FAM227B: variants seen among roughly 807,000 people sequenced by gnomAD.
FAM227B encodes the protein protein FAM227B.
In FAM227B, 88 loss-of-function variants were observed where a neutral mutation model predicts 73.8. The observed-to-expected ratio is 1.19, with a 90% CI of 1.00 to 1.42. FAM227B has a LOEUF of 1.42. Ranked by LOEUF, FAM227B falls within the 40% of genes most tolerant of loss-of-function variation. The pLI is 0.00. For missense variants in FAM227B, 632 were observed against 590.9 expected (o/e 1.07, Z -0.72); for synonymous variants, 210 against 190.5 (o/e 1.10, Z -0.84).
intron 5 of FAM227B, among the ~76,000 whole-genome samples, chr15:49,583,146 C>T (rs931345386): frequency 4.7e-5 from 7 of 149,678 alleles, no homozygotes; most frequent in African/African-American, 1.7e-4. Flanking sequence ...CTGAAGGAGA[C>T]TGAGACACAA....
At chr15:49,545,842 T>C (rs1433982874) in intron 9 of FAM227B, among the ~76,000 whole-genome samples, 1 of 152,124 alleles carries the variant, frequency 6.6e-6, no homozygotes, top group Non-Finnish European at 1.5e-5. Context: ...TATTCTACTG[T>C]GGTCTGAAAG....
rs563712202 is a variant in FAM227B, at chr15:49,615,154, T to C, written c.18A>G (p.Thr6=). 1.2e-6 allele frequency: 2 copies of C among 1,614,100 alleles called. No homozygotes were observed. Among genetic ancestry groups the C allele is most frequent in the East Asian group, 4.5e-5 (2 of 44,888 alleles). Residue 6 remains threonine (T), a synonymous_variant, in exon 2 of 16, where the codon ACA becomes ACG. Transcript: ENST00000299338. MAGQR[T]CQRRSSRAGP... ...CAGCTCTGCTGCTCCTCCTTTGACATGTTCGTTGGCCTGCCATGGTACAGT... is the reference window on the plus strand; with the variant it reads ...CAGCTCTGCTGCTCCTCCTTTGACACGTTCGTTGGCCTGCCATGGTACAGT...
At chr15:49,409,241 T>G (rs1047526521) in intron 11 of FAM227B, among the ~76,000 whole-genome samples, 8 of 152,248 alleles carry the variant, frequency 5.3e-5, no homozygotes, top group African/African-American at 1.9e-4. Flanking sequence ...TATTCCACTT[T>G]AAGATGCGGC....
chr15:49,473,371 ATAAGT>A (rs1429285046), intron 11 of FAM227B, among the ~76,000 whole-genome samples: 4 of 152,186 alleles, frequency 2.6e-5, no homozygotes, highest in African/African-American at 9.6e-5. Flanking sequence ...TGAGTTAAAT[ATAAGT>A]TATTAGAAGC....
intron 10 of FAM227B, among the ~76,000 whole-genome samples, chr15:49,526,075 T>A (rs1355488975): frequency 6.6e-6 from 1 of 151,970 alleles, no homozygotes; most frequent in Non-Finnish European, 1.5e-5. Flanking sequence ...TAAAGAAGAT[T>A]CTACCCAACA....
intron 11 of FAM227B, among the ~76,000 whole-genome samples, chr15:49,418,782 C>CAAAAAAAGAA (rs2049391997): frequency 6.8e-6 from 1 of 148,112 alleles, no homozygotes; most frequent in Non-Finnish European, 1.5e-5. Context: ...CCTAAAAGAT[C>CAAAAAAAGAA]AAAAAAAGAA....
At chr15:49,561,776 A>G (rs1211841140) in intron 9 of FAM227B, among the ~76,000 whole-genome samples, 1 of 152,188 alleles carries the variant, frequency 6.6e-6, no homozygotes. Context: ...GTTAGACACA[A>G]ATAAACAAAA....
chr15:49,615,144 T>C lies in FAM227B; in HGVS notation c.28A>G (p.Arg10Gly). The change falls in exon 2 of 16, where the codon AGG becomes GGG. Residue 10 changes from arginine to glycine, a missense_variant. Transcript: ENST00000299338. MAGQRTCQRRSSRAGPGKMQ... is the reference protein window; with the variant it reads MAGQRTCQRGSSRAGPGKMQ... Reference sequence around the variant, plus strand: ...ACCCCGGGGCCAGCTCTGCTGCTCCTCCTTTGACATGTTCGTTGGCCTGCC... The same window carrying C: ...ACCCCGGGGCCAGCTCTGCTGCTCCCCCTTTGACATGTTCGTTGGCCTGCC... The C allele has an allele frequency of 6.2e-7, 1 of 1,614,136 alleles. No individual in the cohort carries two copies. Among genetic ancestry groups the C allele is most frequent in the Non-Finnish European group, 8.5e-7 (1 of 1,179,978 alleles).
chr15:49,390,851 T>C (rs1218201436), intron 11 of FAM227B, among the ~76,000 whole-genome samples: 1 of 152,078 alleles, frequency 6.6e-6, no homozygotes, highest in African/African-American at 2.4e-5. Flanking sequence ...TGAACTGACC[T>C]ATGTGCTTTG....
chr15:49,410,570 C>T (rs1242768751), intron 11 of FAM227B, among the ~76,000 whole-genome samples: 1 of 152,010 alleles, frequency 6.6e-6, no homozygotes, highest in Non-Finnish European at 1.5e-5. Flanking sequence ...AATAGCGAAT[C>T]ATTTTCCATG....
At chr15:49,366,352 T>TG in intron 13 of FAM227B, 1 of 787,460 alleles carries the variant, frequency 1.3e-6, no homozygotes, top group South Asian at 1.3e-5. Flanking sequence ...CAACCAACAT[T>TG]GCTTCAGCAC....
chr15:49,498,107 T>A (rs926063028), intron 11 of FAM227B, among the ~76,000 whole-genome samples: 2 of 152,216 alleles, frequency 1.3e-5, no homozygotes, highest in Non-Finnish European at 2.9e-5. Context: ...GTAACTCTCA[T>A]AAGTTACAAT....
intron 9 of FAM227B, among the ~76,000 whole-genome samples, chr15:49,562,800 C>A (rs56692783): frequency 1.3e-5 from 2 of 151,822 alleles, no homozygotes; most frequent in South Asian, 2.1e-4. Context: ...ATTCAACATC[C>A]CTTTATGATA....
Position 49,511,799 on chromosome 15 carries a change from G to T in FAM227B, c.875-3451C>A, listed in dbSNP as rs551476467. Among the ~76,000 whole-genome samples the T allele has an allele frequency of 3.3e-5, 5 of 152,196 alleles. No homozygotes were observed. In the East Asian group the frequency reaches 7.7e-4, roughly 24 times the overall value. ...GGACATTATCTCGTTCCTTTCTGTG[G>T]TTGCATAGCATTCCATGGTGTATAT... On this transcript the variant is annotated intron_variant, in intron 10 of 15. Transcript: ENST00000299338.
At chr15:49,551,660 C>T (rs1372164224) in intron 9 of FAM227B, among the ~76,000 whole-genome samples, 1 of 152,114 alleles carries the variant, frequency 6.6e-6, no homozygotes, top group Non-Finnish European at 1.5e-5. Context: ...CTGTGTTCTT[C>T]TCTTCCTTCT....
At chr15:49,579,567 A>AGTT (rs1223074050) in intron 5 of FAM227B, among the ~76,000 whole-genome samples, 1 of 152,156 alleles carries the variant, frequency 6.6e-6, no homozygotes, top group Non-Finnish European at 1.5e-5. Flanking sequence ...GTTCTTACTC[A>AGTT]TATGTGGGAA....
intron 11 of FAM227B, among the ~76,000 whole-genome samples, chr15:49,502,339 C>T (rs1198184617): frequency 6.6e-6 from 1 of 152,212 alleles, no homozygotes; most frequent in African/African-American, 2.4e-5. Context: ...GAGGCAGAAC[C>T]CCACAAAGCC....
chr15:49,420,116 A>G (rs2049496038), intron 11 of FAM227B, among the ~76,000 whole-genome samples: 1 of 152,210 alleles, frequency 6.6e-6, no homozygotes. Flanking sequence ...TCTGTGGAGG[A>G]TAAGTTGGCA....
At position 49,508,296 on chromosome 15, in the gene FAM227B, G is replaced by A; in HGVS notation, c.927C>T (p.Ser309=). The change falls in exon 11 of 16, where the codon TCC becomes TCT. Residue 309 remains serine (S), a synonymous_variant. Transcript: ENST00000299338. ...FWIHWKLKEL[S]TTTIHGSKKA... is the part of the protein sequence containing the mutation. ...TTTTGCTACCATGAATGGTGGTTGT[G>A]GAGAGTTCTTTCAGTTTCCAGTGGA... 1 of 1,610,660 alleles carries A rather than the reference G, an allele frequency of 6.2e-7. No individual in the cohort carries two copies. Among genetic ancestry groups the A allele is most frequent in the Non-Finnish European group, 8.5e-7 (1 of 1,178,536 alleles).
Sources: allele counts gnomAD v4.1 joint callset (sites outside exome capture counted in the v4.1 genomes callset), GRCh38; gene constraint gnomAD v4.1.1; transcripts MANE v1.5; gene names NCBI Gene and HGNC (gene_info 2026-07-23, HGNC 2026-07-21).